PTPRD: variants seen among roughly 807,000 people sequenced by gnomAD.
The protein encoded by PTPRD is receptor-type tyrosine-protein phosphatase delta.
A neutral mutation model predicts 214.5 loss-of-function variants in PTPRD; 34 were observed. The ratio of observed to expected loss-of-function variants is 0.16; its 90% CI spans 0.12 to 0.21. The LOEUF is 0.21. PTPRD is among the 10% of genes least tolerant of loss of function. PTPRD has a pLI of 1.00. For missense variants in PTPRD, 2,545 were observed against 2,398.7 expected, an observed-to-expected ratio of 1.06 and a Z score of -1.27; for synonymous variants, 1,128 against 845.7, an observed-to-expected ratio of 1.33 and a Z score of -5.79.
At chr9:9,512,230 T>C (rs989016815) in intron 8 of PTPRD, among the ~76,000 whole-genome samples, 11 of 151,850 alleles carry the variant, frequency 7.2e-5, no homozygotes, top group Non-Finnish European at 7.4e-5. Context: ...ACAAAAGCCA[T>C]TGCTTCAATT....
chr9:9,898,490 C>T (rs1200889278), intron 5 of PTPRD, among the ~76,000 whole-genome samples: 1 of 151,948 alleles, frequency 6.6e-6, no homozygotes, highest in East Asian at 1.9e-4. Context: ...GAGAAAGATA[C>T]CGCATCAAGG....
chr9:9,172,039 A>G (rs973315676), intron 10 of PTPRD, among the ~76,000 whole-genome samples: 14 of 152,136 alleles, frequency 9.2e-5, no homozygotes, highest in African/African-American at 3.4e-4. Context: ...CAGGTAACTC[A>G]CAGTATAAAT....
intron 3 of PTPRD, among the ~76,000 whole-genome samples, chr9:10,174,270 C>G (rs2154300109): frequency 6.6e-6 from 1 of 152,210 alleles, no homozygotes; most frequent in East Asian, 1.9e-4. Flanking sequence ...CATGTCCTTC[C>G]TTGGAACTGA....
chr9:9,021,048 G>A (rs2099568089), intron 10 of PTPRD, among the ~76,000 whole-genome samples: 1 of 152,096 alleles, frequency 6.6e-6, no homozygotes, highest in East Asian at 1.9e-4. Flanking sequence ...AACCTAATGT[G>A]CTGCCAATTT....
chr9:10,192,426 T>C (rs2099368000), intron 3 of PTPRD, among the ~76,000 whole-genome samples: 1 of 128,316 alleles, frequency 7.8e-6, no homozygotes, highest in Non-Finnish European at 1.6e-5. Context: ...GTCAAAGTAT[T>C]GGCAAGGTCA....
intron 3 of PTPRD, among the ~76,000 whole-genome samples, chr9:10,157,912 T>C (rs538357527): frequency 6.6e-6 from 1 of 152,316 alleles, no homozygotes; most frequent in African/African-American, 2.4e-5. Context: ...AGATTCTTCC[T>C]TTGGCTTGTT....
chr9:9,226,728 A>T (rs1322448003), intron 9 of PTPRD, among the ~76,000 whole-genome samples: 6 of 152,098 alleles, frequency 3.9e-5, no homozygotes, highest in Admixed American at 3.9e-4. Context: ...TATGCAGAAC[A>T]TTTAAACTAT....
intron 4 of PTPRD, among the ~76,000 whole-genome samples, chr9:10,031,325 G>T (rs1016893449): frequency 6.6e-6 from 1 of 151,998 alleles, no homozygotes; most frequent in African/African-American, 2.4e-5. Flanking sequence ...TATGGGTGTT[G>T]CCAAAGGAGA....
At chr9:9,937,782 T>A (rs1281957517) in intron 5 of PTPRD, among the ~76,000 whole-genome samples, 1 of 152,194 alleles carries the variant, frequency 6.6e-6, no homozygotes, top group African/African-American at 2.4e-5. Context: ...ACCATGTAGT[T>A]CTTACAGTGT....
chr9:10,356,886 G>C (rs1403141835), intron 2 of PTPRD, among the ~76,000 whole-genome samples: 1 of 151,550 alleles, frequency 6.6e-6, no homozygotes, highest in Admixed American at 6.6e-5. Context: ...TCACCATGTT[G>C]GTCAGGATGG....
intron 5 of PTPRD, among the ~76,000 whole-genome samples, chr9:9,825,012 T>A (rs901317239): frequency 2.0e-5 from 3 of 151,974 alleles, no homozygotes; most frequent in African/African-American, 7.2e-5. Flanking sequence ...TCCATCTGAG[T>A]GTCAGTTTCT....
chr9:10,392,535 T>C (rs1195136152), intron 2 of PTPRD, among the ~76,000 whole-genome samples: 1 of 151,886 alleles, frequency 6.6e-6, no homozygotes, highest in Non-Finnish European at 1.5e-5. Context: ...CTCTGCCTTT[T>C]ACACAGTGCA....
chr9:8,984,527 C>G (rs1004981073), intron 11 of PTPRD, among the ~76,000 whole-genome samples: 2 of 152,010 alleles, frequency 1.3e-5, no homozygotes, highest in African/African-American at 4.8e-5. Context: ...CTGAAACATA[C>G]AATAAATTCC....
At chr9:8,748,406 G>C (rs2093092512) in intron 11 of PTPRD, among the ~76,000 whole-genome samples, 1 of 151,468 alleles carries the variant, frequency 6.6e-6, no homozygotes, top group Admixed American at 6.6e-5. Flanking sequence ...GGAGGGACAA[G>C]GATCAGGATA....
intron 3 of PTPRD, among the ~76,000 whole-genome samples, chr9:10,296,029 C>T (rs2095663256): frequency 6.6e-6 from 1 of 152,020 alleles, no homozygotes; most frequent in Non-Finnish European, 1.5e-5. Flanking sequence ...CACATGGCAA[C>T]ATAATTACAC....
intron 39 of PTPRD, among the ~76,000 whole-genome samples, chr9:8,370,719 A>T (rs893563277): frequency 6.6e-6 from 1 of 152,034 alleles, no homozygotes; most frequent in African/African-American, 2.4e-5. Context: ...TTGACAGAGA[A>T]ATCAGAGAAA....
chr9:9,987,559 G>T (rs551257659), intron 4 of PTPRD, among the ~76,000 whole-genome samples: 32 of 152,130 alleles, frequency 2.1e-4, no homozygotes, highest in Non-Finnish European at 4.1e-4. Flanking sequence ...GACCTGCCCC[G>T]ACAACATGTG....
chr9:10,108,697 C>T (rs2098660227), intron 3 of PTPRD, among the ~76,000 whole-genome samples: 3 of 151,950 alleles, frequency 2.0e-5, no homozygotes, highest in Admixed American at 2.0e-4. Flanking sequence ...TCACAATAGT[C>T]AAGCTATGGA....
At chr9:9,646,783 A>C (rs956187430) in intron 7 of PTPRD, among the ~76,000 whole-genome samples, 2 of 152,210 alleles carry the variant, frequency 1.3e-5, no homozygotes, top group African/African-American at 4.8e-5. Context: ...AAAGTTTAAA[A>C]TTAGTTTATA....
Sources: allele counts gnomAD v4.1 joint callset (sites outside exome capture counted in the v4.1 genomes callset), GRCh38; gene constraint gnomAD v4.1.1; transcripts MANE v1.5; gene names NCBI Gene and HGNC (gene_info 2026-07-23, HGNC 2026-07-21).